Variants in ITGB5 observed in about 807,000 individuals in gnomAD.
ITGB5 encodes integrin subunit beta 5.
In ITGB5, 38 loss-of-function variants were observed where a neutral mutation model predicts 84.8. The ratio of observed to expected loss-of-function variants is 0.45; its 90% CI spans 0.35 to 0.59. ITGB5 has a LOEUF of 0.59. ITGB5 is among the 20% of genes least tolerant of loss of function. The pLI is 0.01. For missense variants in ITGB5, 905 were observed against 1,034.5 expected, an observed-to-expected ratio of 0.87 and a Z score of 1.72; for synonymous variants, 393 against 414.4, an observed-to-expected ratio of 0.95 and a Z score of 0.63.
chr3:124,891,083 G>C (rs1368998554), upstream of ITGB5, among the ~76,000 whole-genome samples: 1 of 152,120 alleles, frequency 6.6e-6, no homozygotes. Context: ...GCTGGTTTTG[G>C]ATCAGTTTGA....
At chr3:124,791,291 C>T (rs1280262274) in intron 10 of ITGB5, 1 of 152,226 alleles carries the variant, frequency 6.6e-6, no homozygotes, top group Non-Finnish European at 1.5e-5. Flanking sequence ...TTCTCTAAGT[C>T]AAGCTGCCTC....
intron 4 of ITGB5, among the ~76,000 whole-genome samples, chr3:124,846,421 C>T (rs998346654): frequency 2.4e-5 from 3 of 123,094 alleles, no homozygotes; most frequent in Non-Finnish European, 3.3e-5. Context: ...AGATGTTGCA[C>T]AAGCAAAAAA....
intron 11 of ITGB5, among the ~76,000 whole-genome samples, chr3:124,770,809 C>T (rs1377825953): frequency 2.0e-5 from 3 of 152,292 alleles, no homozygotes; most frequent in South Asian, 2.1e-4. Context: ...GTCACAGCCC[C>T]GGAAGGCGGG....
intron 13 of ITGB5, among the ~76,000 whole-genome samples, chr3:124,764,878 C>T (rs373417428): frequency 2.0e-4 from 31 of 152,310 alleles, no homozygotes; most frequent in East Asian, 1.5e-3. Context: ...GCTCAGCTTT[C>T]GTGTACATGG....
chr3:124,850,660 T>C (rs1325683612), intron 3 of ITGB5, among the ~76,000 whole-genome samples: 4 of 151,584 alleles, frequency 2.6e-5, no homozygotes, highest in Non-Finnish European at 5.9e-5. Flanking sequence ...AACCCGCACA[T>C]TGTGCCCATG....
chr3:124,899,643 C>G (rs916594377), intron 1 of ITGB5, among the ~76,000 whole-genome samples: 7 of 151,830 alleles, frequency 4.6e-5, no homozygotes, highest in Non-Finnish European at 8.8e-5. Flanking sequence ...TCACTTGAGC[C>G]CAGGGATCAT....
chr3:124,852,545 C>T (rs1047724374), intron 3 of ITGB5, among the ~76,000 whole-genome samples: 6 of 152,094 alleles, frequency 3.9e-5, no homozygotes, highest in Admixed American at 1.3e-4. Context: ...AATCGGGTAT[C>T]AACTAGCATT....
At chr3:124,871,579 A>T (rs964780979) in intron 2 of ITGB5, among the ~76,000 whole-genome samples, 1 of 152,172 alleles carries the variant, frequency 6.6e-6, no homozygotes, top group African/African-American at 2.4e-5. Context: ...TAATCCCAGC[A>T]CTTTGGGAGG....
intron 3 of ITGB5, among the ~76,000 whole-genome samples, chr3:124,849,625 A>G (rs1242877734): frequency 6.6e-6 from 1 of 152,204 alleles, no homozygotes; most frequent in African/African-American, 2.4e-5. Flanking sequence ...GAGAAAAGAC[A>G]GCACTAGATT....
At chr3:124,892,691 TAAAAAAAAAAAA>T (rs35455753) in intron 1 of ITGB5, among the ~76,000 whole-genome samples, 1 of 91,686 alleles carries the variant, frequency 1.1e-5, no homozygotes, top group Non-Finnish European at 2.1e-5. Flanking sequence ...GGAGACTCTG[TAAAAAAAAAAAA>T]AAAAAAAAAA....
chr3:124,808,523 C>T (rs2064446244), intron 9 of ITGB5, among the ~76,000 whole-genome samples: 2 of 152,228 alleles, frequency 1.3e-5, no homozygotes, highest in African/African-American at 4.8e-5. Context: ...TAAACTTAAT[C>T]TGGACAAGGC....
chr3:124,818,766 A>C (rs1041641827), intron 7 of ITGB5, among the ~76,000 whole-genome samples: 1 of 152,202 alleles, frequency 6.6e-6, no homozygotes, highest in South Asian at 2.1e-4. Flanking sequence ...ATTTGAACTA[A>C]AGGAGGATAA....
chr3:124,806,341 A>G (rs1460967066), intron 9 of ITGB5, among the ~76,000 whole-genome samples: 1 of 151,308 alleles, frequency 6.6e-6, no homozygotes, highest in Non-Finnish European at 1.5e-5. Flanking sequence ...CTTTCCTGAC[A>G]TGCTACACCA....
chr3:124,802,185 C>T (rs62265640), intron 9 of ITGB5, among the ~76,000 whole-genome samples: 1 of 152,374 alleles, frequency 6.6e-6, no homozygotes, highest in East Asian at 1.9e-4. Context: ...TCTGTGGCCT[C>T]ATTTGTCCAT....
chr3:124,783,312 AAGAGAG>A (rs1220165092), intron 10 of ITGB5, among the ~76,000 whole-genome samples: 1 of 147,550 alleles, frequency 6.8e-6, no homozygotes, highest in Non-Finnish European at 1.5e-5. Flanking sequence ...AAAAAAAAAA[AAGAGAG>A]AGAGAGAGAT....
At chr3:124,889,418 G>A (rs1559990874), upstream of ITGB5, among the ~76,000 whole-genome samples, 2 of 152,184 alleles carry the variant, frequency 1.3e-5, no homozygotes, top group Non-Finnish European at 2.9e-5. Context: ...ATTGATTGAT[G>A]TCTCATGTCT....
chr3:124,832,467 TAC>T (rs1306481700), intron 5 of ITGB5, among the ~76,000 whole-genome samples: 1 of 152,342 alleles, frequency 6.6e-6, no homozygotes, highest in Admixed American at 6.5e-5. Context: ...AAATGCCTGG[TAC>T]AGAGCCTGGC....
chr3:124,882,909 G>A (rs1031075984), intron 1 of ITGB5, among the ~76,000 whole-genome samples: 6 of 152,162 alleles, frequency 3.9e-5, no homozygotes, highest in Admixed American at 3.9e-4. Flanking sequence ...CATGAGGCCC[G>A]GGAAGTAAAC....
chr3:124,798,363 T>A (rs2064265472), intron 9 of ITGB5, among the ~76,000 whole-genome samples: 1 of 152,016 alleles, frequency 6.6e-6, no homozygotes, highest in Non-Finnish European at 1.5e-5. Context: ...TAAAGCTAAT[T>A]TTTAAAATGT....
Sources: allele counts gnomAD v4.1 joint callset (sites outside exome capture counted in the v4.1 genomes callset), GRCh38; gene constraint gnomAD v4.1.1; transcripts MANE v1.5; gene names NCBI Gene and HGNC (gene_info 2026-07-23, HGNC 2026-07-21).